The following NRXN3 variants were observed in gnomAD, a reference collection of about 807,000 sequenced individuals.
The protein encoded by NRXN3 is neurexin III.
A neutral mutation model predicts 137.6 loss-of-function variants in NRXN3; 32 were observed. The ratio of observed to expected loss-of-function variants is 0.23; its 90% CI spans 0.18 to 0.31. The LOEUF is 0.31. Ranked by LOEUF, NRXN3 falls within the 10% of genes least tolerant of loss-of-function variation. The pLI is 1.00. For synonymous variants in NRXN3, 798 were observed against 784.5 expected (o/e 1.02, Z -0.29); for missense variants, 1,574 against 2,062.5 (o/e 0.76, Z 4.59).
chr14:78,471,039 GAC>G (rs2153729009), intron 4 of NRXN3, among the ~76,000 whole-genome samples: 1 of 152,232 alleles, frequency 6.6e-6, no homozygotes, highest in East Asian at 1.9e-4. Context: ...CTTGTGTAAT[GAC>G]AAGGCCTTCA....
At chr14:79,562,798 C>A (rs2097511518) in intron 16 of NRXN3, among the ~76,000 whole-genome samples, 1 of 152,184 alleles carries the variant, frequency 6.6e-6, no homozygotes, top group Non-Finnish European at 1.5e-5. Context: ...TCCTATACTT[C>A]TAGGACTGTA....
chr14:79,299,906 T>A (rs1456093869), intron 15 of NRXN3, among the ~76,000 whole-genome samples: 1 of 152,110 alleles, frequency 6.6e-6, no homozygotes, highest in Non-Finnish European at 1.5e-5. Context: ...GCGGGATATT[T>A]GAGCATCCAT....
intron 4 of NRXN3, among the ~76,000 whole-genome samples, chr14:78,420,745 T>C (rs748998312): frequency 1.3e-5 from 2 of 152,222 alleles, no homozygotes; most frequent in Non-Finnish European, 2.9e-5. Flanking sequence ...AAAAGAGCAT[T>C]GATAGCTTAA....
chr14:79,831,825 TCAG>T (rs367897187), intron 20 of NRXN3, among the ~76,000 whole-genome samples: 3 of 152,178 alleles, frequency 2.0e-5, no homozygotes, highest in African/African-American at 7.2e-5. Context: ...GAACTTGAAG[TCAG>T]CAGCAGATCT....
chr14:79,681,649 C>G (rs1432642990), intron 17 of NRXN3, among the ~76,000 whole-genome samples: 1 of 152,036 alleles, frequency 6.6e-6, no homozygotes. Flanking sequence ...ACGGCCCACC[C>G]AGAACCCCAA....
At chr14:79,170,345 T>C (rs994430702) in intron 15 of NRXN3, among the ~76,000 whole-genome samples, 1 of 152,064 alleles carries the variant, frequency 6.6e-6, no homozygotes, top group African/African-American at 2.4e-5. Flanking sequence ...AAATGGGAGA[T>C]TAAAGTTGGT....
intron 15 of NRXN3, among the ~76,000 whole-genome samples, chr14:79,414,260 C>T (rs2095464536): frequency 6.6e-6 from 1 of 152,112 alleles, no homozygotes; most frequent in Non-Finnish European, 1.5e-5. Flanking sequence ...GGTCAGCATC[C>T]TATAACTTGA....
At chr14:79,612,797 G>T (rs2098118433) in intron 16 of NRXN3, among the ~76,000 whole-genome samples, 1 of 152,094 alleles carries the variant, frequency 6.6e-6, no homozygotes, top group Non-Finnish European at 1.5e-5. Flanking sequence ...AGTGAACTAG[G>T]ATCAAGCCAC....
At chr14:79,356,701 A>G (rs921135272) in intron 15 of NRXN3, among the ~76,000 whole-genome samples, 1 of 152,114 alleles carries the variant, frequency 6.6e-6, no homozygotes, top group African/African-American at 2.4e-5. Context: ...CCATTTAACT[A>G]AAGCTCCTGC....
chr14:79,406,541 A>G (rs2095316873), intron 15 of NRXN3, among the ~76,000 whole-genome samples: 1 of 151,922 alleles, frequency 6.6e-6, no homozygotes, highest in Admixed American at 6.6e-5. Context: ...AGGCTCAAGC[A>G]ATTCACCCTC....
At chr14:79,154,163 G>T (rs1807945929) in intron 15 of NRXN3, among the ~76,000 whole-genome samples, 2 of 151,948 alleles carry the variant, frequency 1.3e-5, no homozygotes, top group Non-Finnish European at 2.9e-5. Context: ...ATTGAGCACT[G>T]CCCAACTCAA....
intron 3 of NRXN3, among the ~76,000 whole-genome samples, chr14:78,296,373 C>T (rs2076339407): frequency 6.6e-6 from 1 of 152,144 alleles, no homozygotes; most frequent in African/African-American, 2.4e-5. Flanking sequence ...GCGTCACCTA[C>T]TGAATTCATA....
chr14:79,212,912 A>G (rs766679700), intron 15 of NRXN3, among the ~76,000 whole-genome samples: 1 of 152,108 alleles, frequency 6.6e-6, no homozygotes, highest in Non-Finnish European at 1.5e-5. Context: ...GTTCTGTAGA[A>G]CACGCTTTGG....
chr14:79,492,947 T>C (rs2096731404), intron 16 of NRXN3, among the ~76,000 whole-genome samples: 1 of 152,152 alleles, frequency 6.6e-6, no homozygotes, highest in African/African-American at 2.4e-5. Context: ...TCTTAAATGA[T>C]GTCAAATGAA....
intron 8 of NRXN3, among the ~76,000 whole-genome samples, chr14:78,762,037 A>G (rs890149400): frequency 1.6e-4 from 24 of 152,330 alleles, no homozygotes; most frequent in African/African-American, 5.5e-4. Context: ...GGTCCTGCAG[A>G]GGAAAAGTGA....
chr14:79,846,253 G>T (rs970282538), intron 20 of NRXN3, among the ~76,000 whole-genome samples: 39 of 152,244 alleles, frequency 2.6e-4, no homozygotes, highest in Non-Finnish European at 4.1e-4. Context: ...GTAAAGCAAA[G>T]CACAATAAAA....
intron 16 of NRXN3, among the ~76,000 whole-genome samples, chr14:79,606,437 A>G (rs2543579): frequency 0.48 from 73,385 of 152,080 alleles, 19,701 homozygotes; most frequent in African/African-American, 0.72. Context: ...ATTTAAACAC[A>G]TTATCTGTAT....
intron 4 of NRXN3, among the ~76,000 whole-genome samples, chr14:78,488,091 C>CT (rs1203186870): frequency 6.6e-6 from 1 of 152,134 alleles, no homozygotes; most frequent in Non-Finnish European, 1.5e-5. Flanking sequence ...AGATGGCCAT[C>CT]TTTTTCCTGT....
intron 4 of NRXN3, among the ~76,000 whole-genome samples, chr14:78,517,938 C>A (rs539964622): frequency 2.0e-5 from 3 of 152,252 alleles, no homozygotes; most frequent in Non-Finnish European, 4.4e-5. Flanking sequence ...ACCAGGGATC[C>A]AACTTCCTGT....
Sources: allele counts gnomAD v4.1 joint callset (sites outside exome capture counted in the v4.1 genomes callset), GRCh38; gene constraint gnomAD v4.1.1; transcripts MANE v1.5; gene names NCBI Gene and HGNC (gene_info 2026-07-23, HGNC 2026-07-21).